Variants in CDIN1 observed in about 807,000 individuals in gnomAD.
CDIN1 encodes the protein CDAN1-interacting nuclease 1.
Under a neutral mutation model 45.3 loss-of-function variants are expected in CDIN1, and 33 were observed. The ratio of observed to expected loss-of-function variants is 0.73; its 90% CI spans 0.55 to 0.97. The LOEUF (loss-of-function observed/expected upper bound fraction) is 0.97, where lower values mean the gene tolerates loss of function less well. CDIN1 is among the 50% of genes least tolerant of loss of function. The probability of loss-of-function intolerance (pLI) is 0.00; values close to 1 mark genes in which losing one functional copy is unlikely to be tolerated. For missense variants in CDIN1, 303 were observed against 339.4 expected (o/e 0.89, Z 0.84); for synonymous variants, 118 against 124.4 (o/e 0.95, Z 0.34).
At chr15:36,629,936 G>A (rs2039612486) in intron 1 of CDIN1, among the ~76,000 whole-genome samples, 1 of 151,940 alleles carries the variant, frequency 6.6e-6, no homozygotes, top group Non-Finnish European at 1.5e-5. Flanking sequence ...TATTTTTTAG[G>A]TAACTTTTCA....
chr15:36,730,488 G>T (rs1191435129), intron 10 of CDIN1, among the ~76,000 whole-genome samples: 1 of 152,070 alleles, frequency 6.6e-6, no homozygotes, highest in Admixed American at 6.6e-5. Flanking sequence ...TGTTTTAAAA[G>T]TAGGCAGAGT....
chr15:36,795,106 GAGTGACAGCTATCC>G (rs1232643334), intron 10 of CDIN1, among the ~76,000 whole-genome samples: 1 of 152,190 alleles, frequency 6.6e-6, no homozygotes, highest in African/African-American at 2.4e-5. Flanking sequence ...GTAAAGAGTA[GAGTGACAGCTATCC>G]AAGGCCGGGA....
chr15:36,651,196 G>A (rs1236234405), intron 3 of CDIN1, among the ~76,000 whole-genome samples: 1 of 152,202 alleles, frequency 6.6e-6, no homozygotes, highest in Non-Finnish European at 1.5e-5. Flanking sequence ...GTAGTATTGA[G>A]AATGACATCT....
chr15:36,743,534 T>C (rs966039491), intron 10 of CDIN1, among the ~76,000 whole-genome samples: 1 of 152,144 alleles, frequency 6.6e-6, no homozygotes, highest in African/African-American at 2.4e-5. Context: ...CAACTTCTGA[T>C]GCTTGAAACC....
intron 8 of CDIN1, among the ~76,000 whole-genome samples, chr15:36,703,437 A>ATATATATATC (rs2042748586): frequency 9.3e-6 from 1 of 107,400 alleles, no homozygotes; most frequent in Non-Finnish European, 2.0e-5. Flanking sequence ...ATATATCAGA[A>ATATATATATC]AGGGATCTGA....
chr15:36,750,779 A>G (rs1282540039), intron 10 of CDIN1, among the ~76,000 whole-genome samples: 1 of 152,202 alleles, frequency 6.6e-6, no homozygotes, highest in Non-Finnish European at 1.5e-5. Flanking sequence ...AGATAAAGCT[A>G]TACTATAATT....
rs1555382540 is a variant in CDIN1, at chr15:36,604,418, T to TACACAGACACACACACACACAC, written c.101+24462_101+24463insGACACACACACACACACACACA. Among the ~76,000 whole-genome samples, 63 of 128,860 alleles carry TACACAGACACACACACACACAC rather than the reference T, an allele frequency of 4.9e-4. No homozygotes were observed. In the East Asian group the frequency reaches 0.015, roughly 30 times the overall value. The allele number at this position is 128,860 out of a possible 152,430, so 84.5% of individuals were successfully genotyped here. ...ATGTTCTTCTATGACTTTTAAAAGG[T>TACACAGACACACACACACACAC]ACACACACACACACACACACACACA... is the stretch of plus-strand genomic sequence containing the variant. On this transcript the variant is annotated intron_variant, in intron 1 of 10. Coordinates refer to ENST00000566621, the MANE Select transcript of CDIN1 (RefSeq NM_001321759.2).
intron 5 of CDIN1, among the ~76,000 whole-genome samples, chr15:36,680,743 G>A (rs2041822909): frequency 6.6e-6 from 1 of 152,178 alleles, no homozygotes; most frequent in African/African-American, 2.4e-5. Flanking sequence ...AAAATGGCAA[G>A]GAAGCTTGCT....
intron 1 of CDIN1, among the ~76,000 whole-genome samples, chr15:36,643,857 TG>T (rs1423207848): frequency 6.6e-6 from 1 of 152,232 alleles, no homozygotes; most frequent in East Asian, 1.9e-4. Context: ...GGAGAATACC[TG>T]TCTGCTAACA....
At chr15:36,726,715 C>T (rs1028816767) in intron 10 of CDIN1, among the ~76,000 whole-genome samples, 1 of 152,172 alleles carries the variant, frequency 6.6e-6, no homozygotes. Context: ...ACCCACCACT[C>T]AGCACTATTC....
At chr15:36,767,525 G>A (rs1211458409) in intron 10 of CDIN1, among the ~76,000 whole-genome samples, 1 of 152,216 alleles carries the variant, frequency 6.6e-6, no homozygotes, top group African/African-American at 2.4e-5. Flanking sequence ...TGTTTATTAA[G>A]TGTTTATAAA....
chr15:36,740,515 A>G (rs1238718693), intron 10 of CDIN1, among the ~76,000 whole-genome samples: 1 of 152,182 alleles, frequency 6.6e-6, no homozygotes, highest in African/African-American at 2.4e-5. Flanking sequence ...AGCCCTGCTC[A>G]GCTCATCTCA....
At chr15:36,636,196 A>G (rs2039890970) in intron 1 of CDIN1, among the ~76,000 whole-genome samples, 1 of 152,202 alleles carries the variant, frequency 6.6e-6, no homozygotes, top group Non-Finnish European at 1.5e-5. Context: ...TTGTCATTAC[A>G]AAGAGCCACA....
chr15:36,808,635 T>A lies in CDIN1; in HGVS notation c.*182T>A. 1.2e-6 allele frequency: 1 copy of A among 807,394 alleles called. No homozygotes were observed. Among genetic ancestry groups the A allele is most frequent in the South Asian group, 1.8e-5 (1 of 55,918 alleles). 50.0% of individuals were successfully genotyped at this position (807,394 alleles called of 1,614,324 possible). On this transcript the variant is annotated 3_prime_UTR_variant, in exon 11 of 11. Transcript: ENST00000566621. The stretch of plus-strand genomic sequence containing the variant: ...AGAGTTTCTGTTTTCCTTCATCCCT[T>A]GCTGATGTGAACAGCCAAGAACTAC...
At chr15:36,621,800 G>T (rs2039205546) in intron 1 of CDIN1, among the ~76,000 whole-genome samples, 1 of 151,638 alleles carries the variant, frequency 6.6e-6, no homozygotes, top group South Asian at 2.1e-4. Context: ...TCAAAATTGT[G>T]TGAAGGGCAG....
Position 36,702,128 on chromosome 15 carries a change from G to A in CDIN1, c.544+4738G>A, listed in dbSNP as rs144206718. On this transcript the variant is annotated intron_variant, in intron 8 of 10. Transcript: ENST00000566621. The stretch of plus-strand genomic sequence containing the variant: ...CAGAAATGGAACATACGATTATGTA[G>A]GCTGAAGGGAATGGAGATGGCTGGG... 1.0e-5 allele frequency: 7 copies of A among 702,104 alleles called. No individual in the cohort carries two copies. In the East Asian group the frequency reaches 1.9e-4, roughly 19 times the overall value. The allele number at this position is 702,104 out of a possible 1,614,324, so 43.5% of individuals were successfully genotyped here.
At chr15:36,747,363 G>C (rs368935523) in intron 10 of CDIN1, 4 of 183,698 alleles carry the variant, frequency 2.2e-5, no homozygotes, top group African/African-American at 9.3e-5. Flanking sequence ...GCGGCTGTTG[G>C]ACGGCTTCAG....
intron 10 of CDIN1, among the ~76,000 whole-genome samples, chr15:36,759,303 A>G (rs1014284719): frequency 3.9e-5 from 6 of 152,090 alleles, no homozygotes; most frequent in African/African-American, 1.4e-4. Context: ...CTGTACTACA[A>G]ATATGTCCTC....
chr15:36,806,826 C>T (rs2055243209), intron 10 of CDIN1, among the ~76,000 whole-genome samples: 1 of 152,180 alleles, frequency 6.6e-6, no homozygotes, highest in Non-Finnish European at 1.5e-5. Flanking sequence ...GCAAGTTCTT[C>T]TGCAGGTGTG....
Sources: allele counts gnomAD v4.1 joint callset (sites outside exome capture counted in the v4.1 genomes callset), GRCh38; gene constraint gnomAD v4.1.1; transcripts MANE v1.5; gene names NCBI Gene and HGNC (gene_info 2026-07-23, HGNC 2026-07-21).